The following AGAP1 variants were observed in gnomAD, a reference collection of about 807,000 sequenced individuals.
AGAP1 encodes arf-GAP with GTPase, ANK repeat and PH domain-containing protein 1.
Under a neutral mutation model 105.3 loss-of-function variants are expected in AGAP1, and 29 were observed. The ratio of observed to expected loss-of-function variants is 0.28; its 90% CI spans 0.21 to 0.38. AGAP1 has a LOEUF of 0.38. Among genes scored for constraint, AGAP1 ranks in the 10% least tolerant of loss-of-function variants. The probability of loss-of-function intolerance (pLI) is 1.00; values close to 1 mark genes in which losing one functional copy is unlikely to be tolerated. For synonymous variants in AGAP1, 509 were observed against 485.9 expected (o/e 1.05, Z -0.63); for missense variants, 998 against 1,165.1 (o/e 0.86, Z 2.09).
At chr2:235,652,652 G>A (rs1451967047) in intron 1 of AGAP1, among the ~76,000 whole-genome samples, 4 of 152,142 alleles carry the variant, frequency 2.6e-5, no homozygotes, top group African/African-American at 9.7e-5. Flanking sequence ...AGAACTTTGG[G>A]AGGCCCAGGC....
chr2:235,658,044 G>A (rs1161666120), intron 1 of AGAP1, among the ~76,000 whole-genome samples: 2 of 152,186 alleles, frequency 1.3e-5, no homozygotes, highest in Non-Finnish European at 2.9e-5. Context: ...GGTGTCTGTT[G>A]TTTAAACCAC....
In AGAP1 at chr2:235,621,908, C is replaced by T. The variant is rs1946494611; in HGVS notation, c.164-87271C>T. On this transcript the variant is annotated intron_variant, in intron 1 of 17. Transcript: ENST00000304032. The surrounding 1 kb of genome is among the most constrained non-coding windows in gnomAD (Gnocchi z 4.1). ...GAAGGGAGTGCCGCGCAGACCCCCC[C>T]ACCCCCTCAGAACAGCGGCCACTGT... Among the ~76,000 whole-genome samples the T allele has an allele frequency of 1.3e-5, 2 of 151,948 alleles. No individual in the cohort carries two copies. The highest frequency in any genetic ancestry group is 2.4e-5 in the African/African-American group (1 of 41,380).
intron 9 of AGAP1, chr2:235,853,051 G>C: frequency 8.1e-7 from 1 of 1,239,312 alleles, no homozygotes. Context: ...TTTCTATAGC[G>C]GGCAATTCAG....
chr2:235,806,043 A>T (rs1033629733), intron 8 of AGAP1, among the ~76,000 whole-genome samples: 4 of 152,170 alleles, frequency 2.6e-5, no homozygotes, highest in Admixed American at 1.3e-4. Context: ...ATTTGGTAGC[A>T]GCCTCTTCTG....
intron 16 of AGAP1, among the ~76,000 whole-genome samples, chr2:236,070,695 C>T (rs982909714): frequency 5.3e-5 from 8 of 152,324 alleles, no homozygotes; most frequent in Non-Finnish European, 8.8e-5. Context: ...AGACTTCATA[C>T]CGTGTAATTA....
Position 235,905,140 on chromosome 2 carries a change from C to T in AGAP1, c.1156-3598C>T, listed in dbSNP as rs1469490027. ...TCTATAATAATTTTAAATAAAATAT[C>T]GTGGTTATTGTATGTTAAAACATGC... is the stretch of plus-strand genomic sequence containing the variant. On this transcript the variant is annotated intron_variant, in intron 10 of 17. Coordinates refer to ENST00000304032, the MANE Select transcript of AGAP1 (RefSeq NM_001037131.3). This position sits in a 1 kb window ranked among gnomAD's most constrained non-coding sequence, Gnocchi z 4.2. Among the ~76,000 whole-genome samples, 1 of 151,938 alleles carries T rather than the reference C, an allele frequency of 6.6e-6. No individual in the cohort carries two copies. Among genetic ancestry groups the T allele is most frequent in the Non-Finnish European group, 1.5e-5 (1 of 67,988 alleles).
intron 1 of AGAP1, among the ~76,000 whole-genome samples, chr2:235,500,062 A>C (rs576209841): frequency 6.6e-6 from 1 of 152,078 alleles, no homozygotes; most frequent in South Asian, 2.1e-4. Flanking sequence ...ACTCAGTGTC[A>C]TGTGGTGTTT....
intron 9 of AGAP1, chr2:235,852,952 C>T (rs1173204298): frequency 1.6e-6 from 2 of 1,269,220 alleles, no homozygotes; most frequent in East Asian, 3.1e-5. Context: ...AGACCTTTGA[C>T]ACCTTCCAAC....
chr2:235,836,256 C>T (rs1031195783), intron 9 of AGAP1, among the ~76,000 whole-genome samples: 1 of 152,200 alleles, frequency 6.6e-6, no homozygotes, highest in Admixed American at 6.5e-5. Flanking sequence ...ATAAATTTTC[C>T]ATTACCTTAA....
chr2:235,799,827 A>C lies in AGAP1; in HGVS notation c.957+305A>C, dbSNP rs1218497568. Among the ~76,000 whole-genome samples, 1 of 152,172 alleles carries C rather than the reference A, an allele frequency of 6.6e-6. No individual in the cohort carries two copies. The highest frequency in any genetic ancestry group is 1.5e-5 in the Non-Finnish European group (1 of 68,036). On this transcript the variant is annotated intron_variant, in intron 8 of 17. Transcript: ENST00000304032. This position sits in a 1 kb window ranked among gnomAD's most constrained non-coding sequence, Gnocchi z 5.0. ...AAGATGTGTCACAGTGGATACAAGG[A>C]GATGACAAAACTCTAAGATTCCCAG...
intron 6 of AGAP1, among the ~76,000 whole-genome samples, chr2:235,756,119 C>T (rs769418873): frequency 6.6e-6 from 1 of 152,140 alleles, no homozygotes; most frequent in Non-Finnish European, 1.5e-5. Context: ...TCAGCACTGT[C>T]GTTCCCTGCA....
In AGAP1 at chr2:235,609,431, C is replaced by T. The variant is rs1333638774; in HGVS notation, c.164-99748C>T. ...AGAAAATAGCAAGGGCTGCTGGGCA[C>T]GATCATTCGAGATTCCAAGAGGTAA... On this transcript the variant is annotated intron_variant, in intron 1 of 17. Transcript: ENST00000304032. The surrounding 1 kb of genome is among the most constrained non-coding windows in gnomAD (Gnocchi z 5.1). Among the ~76,000 whole-genome samples, 2 of 152,046 alleles carry T rather than the reference C, an allele frequency of 1.3e-5. No homozygotes were observed. The highest frequency in any genetic ancestry group is 2.9e-5 in the Non-Finnish European group (2 of 68,020).
chr2:235,580,458 G>C (rs763594368), intron 1 of AGAP1, among the ~76,000 whole-genome samples: 2 of 151,924 alleles, frequency 1.3e-5, no homozygotes, highest in Non-Finnish European at 2.9e-5. Flanking sequence ...TGGAGGCAGT[G>C]GGGGAGGGAG....
chr2:235,637,164 C>T (rs1377866809), intron 1 of AGAP1, among the ~76,000 whole-genome samples: 1 of 152,144 alleles, frequency 6.6e-6, no homozygotes, highest in Non-Finnish European at 1.5e-5. Flanking sequence ...GCATCTTGTA[C>T]GAGGCAGGTG....
At position 236,062,094 on chromosome 2, in the gene AGAP1, C is replaced by A. The variant is rs149113220; in HGVS notation, c.2114+12813C>A. On this transcript the variant is annotated intron_variant, in intron 16 of 17. Transcript: ENST00000304032. This position sits in a 1 kb window ranked among gnomAD's most constrained non-coding sequence, Gnocchi z 4.2. Reference sequence around the variant, plus strand: ...TGCAGCCAAATTCCTGCCCTGCGGACGGCCCACAGGGGAGCGAGAGCAGGT... The same window carrying A: ...TGCAGCCAAATTCCTGCCCTGCGGAAGGCCCACAGGGGAGCGAGAGCAGGT... 1.3e-5 allele frequency among the ~76,000 whole-genome samples: 2 copies of A among 152,186 alleles called. No individual in the cohort carries two copies. Among genetic ancestry groups the A allele is most frequent in the African/African-American group, 2.4e-5 (1 of 41,542 alleles).
chr2:236,089,395 C>G lies in AGAP1; in HGVS notation c.2115-30797C>G, dbSNP rs1287316642. ...CAGTTGCAAAGATGCCATCCCAGGT[C>G]AAGCTGAGGTCCTTGCAAATGAACT... is the stretch of plus-strand genomic sequence containing the variant. On this transcript the variant is annotated intron_variant, in intron 16 of 17. Transcript: ENST00000304032. The surrounding 1 kb of genome is among the most constrained non-coding windows in gnomAD (Gnocchi z 5.6). Among the ~76,000 whole-genome samples the G allele has an allele frequency of 2.0e-5, 3 of 152,232 alleles. No homozygotes were observed. Among genetic ancestry groups the G allele is most frequent in the African/African-American group, 7.2e-5 (3 of 41,464 alleles).
chr2:235,573,071 C>CTTTCTTCT (rs1944619735), intron 1 of AGAP1, among the ~76,000 whole-genome samples: 3 of 123,850 alleles, frequency 2.4e-5, no homozygotes, highest in Admixed American at 8.5e-5. Flanking sequence ...TTTCTTCTTT[C>CTTTCTTCT]TTCTTTCTTC....
chr2:235,924,576 A>C (rs1278673316), intron 11 of AGAP1, among the ~76,000 whole-genome samples: 1 of 152,156 alleles, frequency 6.6e-6, no homozygotes, highest in African/African-American at 2.4e-5. Flanking sequence ...AGCCTGCCCT[A>C]GGTTCCTGGG....
intron 11 of AGAP1, among the ~76,000 whole-genome samples, chr2:235,922,321 G>A (rs755933101): frequency 2.0e-5 from 3 of 152,154 alleles, no homozygotes; most frequent in Non-Finnish European, 4.4e-5. Flanking sequence ...GGGAATAAAC[G>A]TCTGTTTTAC....
Sources: gnomAD v4.1 joint callset for allele counts (sites outside exome capture counted in the v4.1 genomes callset) on GRCh38, gnomAD v4.1.1 for gene constraint, Gnocchi (gnomAD v3.1) non-coding constraint, MANE v1.5 for transcripts, NCBI Gene and HGNC (gene_info 2026-07-23, HGNC 2026-07-21) for gene names.